NYAP2: variants seen among roughly 807,000 people sequenced by gnomAD.
NYAP2 encodes the protein neuronal tyrosine-phosphorylated phosphoinositide-3-kinase adaptor 2.
NYAP2 carries 23 observed loss-of-function variants against 50.4 expected under a neutral mutation model. That is an observed-to-expected ratio of 0.46 (90% CI 0.33 to 0.65). The LOEUF (loss-of-function observed/expected upper bound fraction) is 0.65, where lower values mean the gene tolerates loss of function less well. Among genes scored for constraint, NYAP2 ranks in the 30% least tolerant of loss-of-function variants. The pLI is 0.02. For missense variants in NYAP2, 885 were observed against 861.0 expected, an observed-to-expected ratio of 1.03 and a Z score of -0.35; for synonymous variants, 394 against 365.2, an observed-to-expected ratio of 1.08 and a Z score of -0.90.
intron 3 of NYAP2, among the ~76,000 whole-genome samples, chr2:225,467,139 G>A (rs534060813): frequency 3.3e-5 from 5 of 152,084 alleles, no homozygotes; most frequent in Non-Finnish European, 4.4e-5. Context: ...GAGAACATGC[G>A]CAGTGTGTTT....
At position 225,595,479 on chromosome 2, in the gene NYAP2, A is replaced by G. The variant is rs577576469; in HGVS notation, c.1618+12444A>G. On this transcript the variant is annotated intron_variant, in intron 5 of 6. Transcript: ENST00000636099. ...ATCCAAATTGTGTCTATATCTACAA[A>G]CAACTTTCATTCTTTTGACCATTAG... is the stretch of plus-strand genomic sequence containing the variant. Among the ~76,000 whole-genome samples, 4 of 152,338 alleles carry G rather than the reference A, an allele frequency of 2.6e-5. No individual in the cohort carries two copies. The South Asian group carries it at 8.3e-4, about 32-fold the overall frequency.
the NYAP2 span, among the ~76,000 whole-genome samples, chr2:225,693,430 G>A: frequency 3.3e-5 from 5 of 152,196 alleles, no homozygotes; most frequent in East Asian, 9.7e-4. Context: ...CATACTGCCA[G>A]TATAGTTTAC....
chr2:225,612,837 T>TGTGTGATGACATCACACCCAATGG (rs1398516516), intron 5 of NYAP2, among the ~76,000 whole-genome samples: 1 of 111,438 alleles, frequency 9.0e-6, no homozygotes, highest in African/African-American at 3.4e-5. Context: ...ACACCCAATG[T>TGTGTGATGACATCACACCCAATGG]GTGTGATGAC....
chr2:225,431,634 ACTCTCT>A (rs1209218399), intron 3 of NYAP2, among the ~76,000 whole-genome samples: 7 of 150,086 alleles, frequency 4.7e-5, no homozygotes, highest in South Asian at 2.1e-4. Flanking sequence ...CTTCCTCTGA[ACTCTCT>A]CTCTCTCTCT....
intron 4 of NYAP2, among the ~76,000 whole-genome samples, chr2:225,568,081 G>A (rs931286642): frequency 2.6e-5 from 4 of 152,108 alleles, no homozygotes; most frequent in Non-Finnish European, 4.4e-5. Context: ...TAACTACACA[G>A]GAGGTTTTTT....
chr2:225,463,712 T>C (rs968615787), intron 3 of NYAP2, among the ~76,000 whole-genome samples: 1 of 152,250 alleles, frequency 6.6e-6, no homozygotes, highest in Admixed American at 6.5e-5. Flanking sequence ...TTCCTTTATA[T>C]GCTACCAGAA....
chr2:225,571,030 G>A (rs1428265718), intron 4 of NYAP2, among the ~76,000 whole-genome samples: 1 of 152,252 alleles, frequency 6.6e-6, no homozygotes, highest in Non-Finnish European at 1.5e-5. Context: ...CAATAGGGTA[G>A]TCATTAAATC....
At chr2:225,446,855 A>G (rs956848591) in intron 3 of NYAP2, among the ~76,000 whole-genome samples, 1 of 152,116 alleles carries the variant, frequency 6.6e-6, no homozygotes, top group Non-Finnish European at 1.5e-5. Context: ...ACAGTTTTTC[A>G]CTTACACAGA....
the NYAP2 span, among the ~76,000 whole-genome samples, chr2:225,669,260 A>G: frequency 6.6e-6 from 1 of 152,046 alleles, no homozygotes; most frequent in African/African-American, 2.4e-5. Context: ...TACAAAAGAG[A>G]TCAAAAGTCA....
At chr2:225,418,303 A>G (rs1695157862) in intron 3 of NYAP2, among the ~76,000 whole-genome samples, 2 of 152,158 alleles carry the variant, frequency 1.3e-5, no homozygotes, top group Admixed American at 1.3e-4. Context: ...GGCCAGAGGC[A>G]ATGGAGTCCA....
Position 225,583,041 on chromosome 2 carries a change from T to A in NYAP2, c.1618+6T>A. 6.2e-7 allele frequency: 1 copy of A among 1,608,460 alleles called. No individual in the cohort carries two copies. Among genetic ancestry groups the A allele is most frequent in the South Asian group, 1.1e-5 (1 of 90,652 alleles). The stretch of plus-strand genomic sequence containing the variant: ...CTCCAAAGAGCCTGCAGAGAGTAAG[T>A]GTGCAGGGCCTGCCTGAGCCCCAGA... On this transcript the variant is annotated splice_donor_region_variant and intron_variant, in intron 5 of 6. Transcript: ENST00000636099.
intron 5 of NYAP2, among the ~76,000 whole-genome samples, chr2:225,593,067 T>G (rs1692537835): frequency 6.6e-6 from 1 of 152,224 alleles, no homozygotes; most frequent in Admixed American, 6.5e-5. Context: ...TTCTGTTTTT[T>G]TAGAGACTAT....
chr2:225,447,688 A>G (rs1231653585), intron 3 of NYAP2, among the ~76,000 whole-genome samples: 1 of 152,212 alleles, frequency 6.6e-6, no homozygotes, highest in African/African-American at 2.4e-5. Flanking sequence ...AGGTTGAAAT[A>G]TTAAATAACA....
At position 225,582,994 on chromosome 2, in the gene NYAP2, G is replaced by T; in HGVS notation, c.1577G>T (p.Arg526Leu). 6.2e-7 allele frequency: 1 copy of T among 1,612,002 alleles called. No homozygotes were observed. Among genetic ancestry groups the T allele is most frequent in the Non-Finnish European group, 8.5e-7 (1 of 1,179,530 alleles). ...TTCTCCTCCGGCCGCAGCCTGCTGC[G>T]CAAGTCGTCCAGTGGCCGGCGCTCC... The change falls in exon 5 of 7, where the codon CGC (arginine) becomes CTC (leucine). Residue 526 changes from arginine (R) to leucine (L), a missense_variant. By Grantham distance (102) the Arg-to-Leu change is moderately radical. Transcript: ENST00000636099. This position sits in a 1 kb window ranked among gnomAD's most constrained non-coding sequence, Gnocchi z 7.0.
chr2:225,450,243 T>A (rs1378982334), intron 3 of NYAP2, among the ~76,000 whole-genome samples: 1 of 152,126 alleles, frequency 6.6e-6, no homozygotes, highest in Admixed American at 6.5e-5. Context: ...GGTAGCCTCA[T>A]GTGGAAAATG....
chr2:225,683,754 G>A, the NYAP2 span, among the ~76,000 whole-genome samples: 1 of 152,106 alleles, frequency 6.6e-6, no homozygotes, highest in Non-Finnish European at 1.5e-5. Context: ...AGAGCAAGAT[G>A]GAAAATATAA....
intron 4 of NYAP2, among the ~76,000 whole-genome samples, chr2:225,527,558 G>T (rs1001123547): frequency 1.1e-4 from 17 of 152,112 alleles, no homozygotes; most frequent in African/African-American, 4.1e-4. Flanking sequence ...AGAGTTTCTT[G>T]GATGTTGATT....
At chr2:225,450,284 G>A (rs1689629732) in intron 3 of NYAP2, among the ~76,000 whole-genome samples, 1 of 152,188 alleles carries the variant, frequency 6.6e-6, no homozygotes, top group African/African-American at 2.4e-5. Flanking sequence ...CAGCTGGAAA[G>A]AATAGATTTA....
At chr2:225,433,621 G>A (rs73082838) in intron 3 of NYAP2, among the ~76,000 whole-genome samples, 1,740 of 151,742 alleles carry the variant, frequency 0.011, 38 homozygotes, top group African/African-American at 0.04. Context: ...GTGATTTAAT[G>A]GTCTTCAAAT....
Sources: allele counts gnomAD v4.1 joint callset (sites outside exome capture counted in the v4.1 genomes callset), GRCh38; gene constraint gnomAD v4.1.1; non-coding constraint Gnocchi (gnomAD v3.1); transcripts MANE v1.5; gene names NCBI Gene and HGNC (gene_info 2026-07-23, HGNC 2026-07-21).